RRAS2: variants seen among roughly 807,000 people sequenced by gnomAD.
RRAS2 encodes RAS related 2.
In RRAS2, 7 loss-of-function variants were observed where a neutral mutation model predicts 27.6. That is an observed-to-expected ratio of 0.25 (90% CI 0.14 to 0.48). The LOEUF (loss-of-function observed/expected upper bound fraction) is 0.48, where lower values mean the gene tolerates loss of function less well. Ranked by LOEUF, RRAS2 falls within the 20% of genes least tolerant of loss-of-function variation. RRAS2 has a pLI of 0.99. For synonymous variants in RRAS2, 86 were observed against 90.9 expected, an observed-to-expected ratio of 0.95 and a Z score of 0.31; for missense variants, 178 against 256.2, an observed-to-expected ratio of 0.69 and a Z score of 2.08.
At chr11:14,301,422 CCCCT>C (rs1847701139) in intron 1 of RRAS2, among the ~76,000 whole-genome samples, 1 of 151,474 alleles carries the variant, frequency 6.6e-6, no homozygotes, top group African/African-American at 2.4e-5. Context: ...TTCTCTTTTC[CCCCT>C]CCCTCTTTTC....
At chr11:14,283,434 G>C (rs1849592931) in intron 4 of RRAS2, among the ~76,000 whole-genome samples, 1 of 152,156 alleles carries the variant, frequency 6.6e-6, no homozygotes, top group South Asian at 2.1e-4. Context: ...AAGTTGCAAA[G>C]AATTTTCTCT....
chr11:14,359,855 T>C (rs1849164763), upstream of RRAS2, among the ~76,000 whole-genome samples: 1 of 152,194 alleles, frequency 6.6e-6, no homozygotes, highest in Non-Finnish European at 1.5e-5. Flanking sequence ...ATTACAGGTG[T>C]GAGTCACTGC....
chr11:14,317,633 A>G (rs1349292584), intron 1 of RRAS2, among the ~76,000 whole-genome samples: 2 of 152,238 alleles, frequency 1.3e-5, no homozygotes, highest in Non-Finnish European at 2.9e-5. Flanking sequence ...ACATTTCACT[A>G]AATTATTTGG....
chr11:14,346,775 AG>A (rs1554954112), intron 1 of RRAS2, among the ~76,000 whole-genome samples: 4 of 152,216 alleles, frequency 2.6e-5, no homozygotes, highest in African/African-American at 9.7e-5. Context: ...TACGTATGTT[AG>A]CTATATTTAG....
At chr11:14,320,737 GTAAAAA>G (rs1244994565) in intron 1 of RRAS2, among the ~76,000 whole-genome samples, 2 of 152,056 alleles carry the variant, frequency 1.3e-5, no homozygotes, top group African/African-American at 4.8e-5. Flanking sequence ...GGATGGATTG[GTAAAAA>G]TAAAAATATA....
chr11:14,349,591 C>T (rs1848909277), intron 1 of RRAS2, among the ~76,000 whole-genome samples: 1 of 152,134 alleles, frequency 6.6e-6, no homozygotes, highest in East Asian at 1.9e-4. Context: ...GAAACTGGCT[C>T]CCATTTTCCA....
chr11:14,308,261 T>C (rs991728036), intron 1 of RRAS2: 5 of 451,772 alleles, frequency 1.1e-5, no homozygotes, highest in African/African-American at 6.0e-5. Context: ...ACAATTCTTG[T>C]AGCTTTCAAA....
At chr11:14,289,226 G>C (rs1849746989) in intron 4 of RRAS2, among the ~76,000 whole-genome samples, 1 of 152,118 alleles carries the variant, frequency 6.6e-6, no homozygotes, top group South Asian at 2.1e-4. Flanking sequence ...ATTATTTTAA[G>C]TATAATAAGT....
chr11:14,322,115 ATAGGTG>A (rs1489186931), intron 1 of RRAS2, among the ~76,000 whole-genome samples: 3 of 152,118 alleles, frequency 2.0e-5, no homozygotes, highest in African/African-American at 7.2e-5. Flanking sequence ...ACCCAACAAA[ATAGGTG>A]ATAACTGCTA....
At chr11:14,339,259 C>T (rs1848648898) in intron 1 of RRAS2, among the ~76,000 whole-genome samples, 1 of 109,454 alleles carries the variant, frequency 9.1e-6, no homozygotes. Context: ...CTGGGCAACA[C>T]AATGAGACTG....
chr11:14,357,200 AC>A (rs1334446381), intron 1 of RRAS2, among the ~76,000 whole-genome samples: 19 of 152,160 alleles, frequency 1.2e-4, no homozygotes, highest in Admixed American at 3.9e-4. Flanking sequence ...CCTCAAAAAA[AC>A]GTAAATATTT....
Position 14,294,882 on chromosome 11 carries a change from T to C in RRAS2, c.197-20A>G, listed in dbSNP as rs782332139. 108 of 1,602,304 alleles carry C rather than the reference T, an allele frequency of 6.7e-5. 1 individual carries two copies. In the South Asian group the frequency reaches 1.1e-3, roughly 16 times the overall value. On this transcript the variant is annotated intron_variant, in intron 2 of 5. Transcript: ENST00000256196. ...CCAAAACTAAAGAAAAAACAACAAA[T>C]GTAATTATACTTGTTTTTTATAAAC...
chr11:14,322,454 C>A (rs1354608005), intron 1 of RRAS2, among the ~76,000 whole-genome samples: 8 of 151,510 alleles, frequency 5.3e-5, no homozygotes, highest in Admixed American at 5.3e-4. Context: ...AAAAAAAAAA[C>A]ACAAAGAAAT....
intron 1 of RRAS2, among the ~76,000 whole-genome samples, chr11:14,329,935 C>T (rs899274726): frequency 3.3e-5 from 5 of 151,936 alleles, no homozygotes; most frequent in Admixed American, 6.6e-5. Flanking sequence ...ATTAGCCAGG[C>T]GTGGTGACAC....
chr11:14,353,478 A>G (rs981993381), intron 1 of RRAS2, among the ~76,000 whole-genome samples: 4 of 152,092 alleles, frequency 2.6e-5, no homozygotes, highest in African/African-American at 9.7e-5. Flanking sequence ...AATCCCAGCT[A>G]CTTGGGAGGC....
chr11:14,311,887 TAG>T (rs1474971642), intron 1 of RRAS2, among the ~76,000 whole-genome samples: 3 of 150,666 alleles, frequency 2.0e-5, no homozygotes, highest in South Asian at 2.1e-4. Context: ...TTTCTTGAGA[TAG>T]AGTCTCACTC....
intron 1 of RRAS2, among the ~76,000 whole-genome samples, chr11:14,344,596 A>G (rs1848789466): frequency 6.6e-6 from 1 of 152,240 alleles, no homozygotes; most frequent in Admixed American, 6.5e-5. Context: ...TTCAGCTCGC[A>G]TCTTTTGACT....
At chr11:14,309,994 TGAAAA>T (rs1554948650) in intron 1 of RRAS2, among the ~76,000 whole-genome samples, 1 of 152,016 alleles carries the variant, frequency 6.6e-6, no homozygotes, top group Non-Finnish European at 1.5e-5. Context: ...CAATAAATCA[TGAAAA>T]GAAAATTGCA....
chr11:14,347,907 C>T (rs1554954248), intron 1 of RRAS2, among the ~76,000 whole-genome samples: 1 of 150,306 alleles, frequency 6.7e-6, no homozygotes, highest in African/African-American at 2.4e-5. Context: ...CACCACAGAA[C>T]ACAGAAAAAA....
Sources: gnomAD v4.1 joint callset for allele counts (sites outside exome capture counted in the v4.1 genomes callset) on GRCh38, gnomAD v4.1.1 for gene constraint, MANE v1.5 for transcripts, NCBI Gene and HGNC (gene_info 2026-07-23, HGNC 2026-07-21) for gene names.